Variants in SLC4A8 observed in about 807,000 individuals in gnomAD.
SLC4A8 encodes the protein electroneutral sodium bicarbonate exchanger 1.
Under a neutral mutation model 125.0 loss-of-function variants are expected in SLC4A8, and 40 were observed. That is an observed-to-expected ratio of 0.32 (90% CI 0.25 to 0.42). SLC4A8 has a LOEUF of 0.42. Ranked by LOEUF, SLC4A8 falls within the 10% of genes least tolerant of loss-of-function variation. The pLI is 1.00. For synonymous variants in SLC4A8, 456 were observed against 476.0 expected (o/e 0.96, Z 0.55); for missense variants, 863 against 1,355.1 (o/e 0.64, Z 5.70).
In SLC4A8 at chr12:51,469,606, T is replaced by A. The variant is rs764620770; in HGVS notation, c.1350-8T>A. The stretch of plus-strand genomic sequence containing the variant: ...TGTGTTAGAAGCCTGTCTGTTGTGT[T>A]TCCACAGGCTATTTGGGGGCTTGGT... On this transcript the variant is annotated splice_polypyrimidine_tract_variant and splice_region_variant and intron_variant, in intron 11 of 24. Transcript: ENST00000453097. 1 of 1,612,516 alleles carries A rather than the reference T, an allele frequency of 6.2e-7. No individual in the cohort carries two copies. Among genetic ancestry groups the A allele is most frequent in the South Asian group, 1.1e-5 (1 of 90,980 alleles).
intron 11 of SLC4A8, among the ~76,000 whole-genome samples, chr12:51,465,892 G>A (rs1592231491): frequency 6.6e-6 from 1 of 152,148 alleles, no homozygotes; most frequent in Admixed American, 6.5e-5. Context: ...ATAAGTTTCT[G>A]TACTTTCCTG....
At chr12:51,479,046 A>G (rs910470868) in intron 16 of SLC4A8, among the ~76,000 whole-genome samples, 3 of 152,216 alleles carry the variant, frequency 2.0e-5, no homozygotes, top group East Asian at 1.9e-4. Flanking sequence ...GTGGTGTGCC[A>G]TGGTGTGTCC....
chr12:51,490,270 T>C lies in SLC4A8; in HGVS notation c.2700+319T>C, dbSNP rs201613379. On this transcript the variant is annotated intron_variant, in intron 19 of 24. Coordinates refer to ENST00000453097, the MANE Select transcript of SLC4A8 (RefSeq NM_001039960.3). ...TGAGGAGATGCTATTTAAGATGAGG[T>C]GGAGGCCAGGCGCGGTGGCTCACAC... is the stretch of plus-strand genomic sequence containing the variant. 2.7e-4 allele frequency among the ~76,000 whole-genome samples: 41 copies of C among 151,860 alleles called. 1 individual carries two copies. The East Asian group carries it at 7.4e-3, about 27-fold the overall frequency.
intron 24 of SLC4A8, among the ~76,000 whole-genome samples, chr12:51,506,577 GGT>G (rs1938182145): frequency 6.6e-6 from 1 of 152,110 alleles, no homozygotes. Context: ...TGGGAGTACA[GGT>G]GCATGCCACC....
Position 51,515,402 on chromosome 12 carries a change from G to C in SLC4A8, c.*7964G>C, listed in dbSNP as rs1351919981. 2 of 152,200 alleles carry C rather than the reference G, an allele frequency of 1.3e-5. No individual in the cohort carries two copies. Among genetic ancestry groups the C allele is most frequent in the Non-Finnish European group, 2.9e-5 (2 of 68,044 alleles). 9.4% of individuals were successfully genotyped at this position (152,200 alleles called of 1,614,324 possible). On this transcript the variant is annotated 3_prime_UTR_variant, in exon 25 of 25. Coordinates refer to ENST00000453097, the MANE Select transcript of SLC4A8 (RefSeq NM_001039960.3). ...GAACAGAGCAACCTTCCCTCGGAAG[G>C]AGACAATTCGAGGTGCTGGTACATT...
At chr12:51,402,686 C>A (rs540215855) in intron 1 of SLC4A8, among the ~76,000 whole-genome samples, 1 of 152,246 alleles carries the variant, frequency 6.6e-6, no homozygotes, top group Admixed American at 6.5e-5. Flanking sequence ...CGCGCCATTG[C>A]ACTCCAACCT....
intron 1 of SLC4A8, among the ~76,000 whole-genome samples, chr12:51,428,663 A>G (rs1302497975): frequency 2.0e-5 from 3 of 152,148 alleles, no homozygotes; most frequent in Admixed American, 2.0e-4. Context: ...ACCAAGTACT[A>G]TCTTCCGTGA....
intron 1 of SLC4A8, among the ~76,000 whole-genome samples, chr12:51,433,402 T>C (rs750849099): frequency 1.3e-5 from 2 of 152,124 alleles, no homozygotes; most frequent in African/African-American, 2.4e-5. Flanking sequence ...TTCCTTCCTT[T>C]CTTCCTTCCT....
chr12:51,393,151 A>G (rs1460235581), intron 1 of SLC4A8, among the ~76,000 whole-genome samples: 5 of 140,244 alleles, frequency 3.6e-5, no homozygotes, highest in South Asian at 2.2e-4. Flanking sequence ...TTCTTGCTCT[A>G]CTGCCCAGGC....
At chr12:51,499,865 G>C (rs1051248176) in intron 22 of SLC4A8, among the ~76,000 whole-genome samples, 1 of 152,152 alleles carries the variant, frequency 6.6e-6, no homozygotes, top group African/African-American at 2.4e-5. Context: ...AATGAGCTTG[G>C]TGTGTTTGAG....
intron 14 of SLC4A8, among the ~76,000 whole-genome samples, chr12:51,473,707 T>A (rs1314066168): frequency 6.6e-6 from 1 of 152,144 alleles, no homozygotes; most frequent in Non-Finnish European, 1.5e-5. Context: ...GGCACAGGTG[T>A]GGTCTGGTCT....
chr12:51,450,383 GAGATT>G, intron 2 of SLC4A8, among the ~76,000 whole-genome samples: 1 of 152,288 alleles, frequency 6.6e-6, no homozygotes, highest in East Asian at 1.9e-4. Context: ...GAGTCACAGA[GAGATT>G]AGATAAATTG....
Position 51,462,396 on chromosome 12 carries a change from C to A in SLC4A8, c.1188C>A (p.Leu396=). 4.3e-6 allele frequency: 7 copies of A among 1,611,814 alleles called. No individual in the cohort carries two copies. The highest frequency in any genetic ancestry group is 5.9e-6 in the Non-Finnish European group (7 of 1,179,222). Residue 396 remains leucine, a synonymous_variant, in exon 10 of 25, where the codon CTC becomes CTA. Transcript: ENST00000453097. ...AGTTCCTAGACCAGGTGACGGTGCT[C>A]CCTCCAGGAGAGTGGGATCCCTCCA... ...IDEFLDQVTV[L]PPGEWDPSIR...
intron 21 of SLC4A8, among the ~76,000 whole-genome samples, chr12:51,495,544 C>T (rs1397898439): frequency 5.4e-5 from 7 of 130,130 alleles, no homozygotes; most frequent in Admixed American, 2.8e-4. Flanking sequence ...GGCATGATCT[C>T]GGCTCACTGT....
In SLC4A8 at chr12:51,466,946, TG is replaced by T. The variant is rs575687166; in HGVS notation, c.1350-2667del. On this transcript the variant is annotated intron_variant, in intron 11 of 24. Coordinates refer to ENST00000453097, the MANE Select transcript of SLC4A8 (RefSeq NM_001039960.3). ...GCATCTCAGGTAGCCTCAGAGTATG[TG>T]TGTGTGTGTGTGTGTGTGTGTATGT... Among the ~76,000 whole-genome samples the T allele has an allele frequency of 2.5e-3, 5 of 1,992 alleles. No individual in the cohort carries two copies. The South Asian group carries it at 0.052, about 21-fold the overall frequency. The allele number at this position is 1,992 out of a possible 152,430, so 1.3% of individuals were successfully genotyped here. A position where few individuals can be genotyped will look rare whatever the true frequency, so the allele number is the denominator to read the frequency against.
intron 2 of SLC4A8, among the ~76,000 whole-genome samples, chr12:51,445,724 G>A (rs1212145373): frequency 3.3e-5 from 5 of 151,896 alleles, no homozygotes; most frequent in Non-Finnish European, 7.4e-5. Context: ...TCACTTAGAT[G>A]TCCCCTCTAA....
intron 11 of SLC4A8, among the ~76,000 whole-genome samples, chr12:51,467,938 T>G (rs1950570910): frequency 6.6e-6 from 1 of 152,256 alleles, no homozygotes; most frequent in African/African-American, 2.4e-5. Context: ...TGTCTAATGC[T>G]CAGTTCTTAT....
intron 1 of SLC4A8, among the ~76,000 whole-genome samples, chr12:51,406,799 T>G (rs1031911631): frequency 1.3e-5 from 2 of 152,192 alleles, no homozygotes; most frequent in African/African-American, 4.8e-5. Flanking sequence ...TTACTAGTGT[T>G]GAGGGGAACT....
At chr12:51,487,309 G>A (rs989753154) in intron 17 of SLC4A8, among the ~76,000 whole-genome samples, 3 of 152,126 alleles carry the variant, frequency 2.0e-5, no homozygotes, top group South Asian at 2.1e-4. Flanking sequence ...GGGGTATCAC[G>A]TCATTAAGGG....
Sources: gnomAD v4.1 joint callset for allele counts (sites outside exome capture counted in the v4.1 genomes callset) on GRCh38, gnomAD v4.1.1 for gene constraint, MANE v1.5 for transcripts, NCBI Gene and HGNC (gene_info 2026-07-23, HGNC 2026-07-21) for gene names.